Variants in NHSL1 observed in about 807,000 individuals in gnomAD.
NHSL1 encodes NHS like 1.
A neutral mutation model predicts 95.0 loss-of-function variants in NHSL1; 48 were observed. That is an observed-to-expected ratio of 0.51 (90% CI 0.40 to 0.64). The LOEUF is 0.64. Ranked by LOEUF, NHSL1 falls within the 30% of genes least tolerant of loss-of-function variation. NHSL1 has a pLI of 0.00. For synonymous variants in NHSL1, 783 were observed against 833.9 expected, an observed-to-expected ratio of 0.94 and a Z score of 1.05; for missense variants, 1,971 against 2,077.7, an observed-to-expected ratio of 0.95 and a Z score of 1.00.
At position 138,630,384 on chromosome 6, in the gene NHSL1, G is replaced by A. The variant is rs140660800; in HGVS notation, c.96+62092C>T. Among the ~76,000 whole-genome samples the A allele has an allele frequency of 2.8e-3, 427 of 151,946 alleles. 5 individuals are homozygous for A. Among genetic ancestry groups the A allele is most frequent in the Admixed American group, 8.2e-3 (125 of 15,244 alleles). ...ACTCTTCTGAAGTTTGAAGTTTCTCGTGTTTTTTTGTTTGTTTGTTTTACT... is the reference window on the plus strand; with the variant it reads ...ACTCTTCTGAAGTTTGAAGTTTCTCATGTTTTTTTGTTTGTTTGTTTTACT... On this transcript the variant is annotated intron_variant, in intron 1 of 3. Coordinates refer to the NHSL1 transcript ENST00000491526.
At chr6:138,490,174 A>G (rs1779991687) in intron 2 of NHSL1, among the ~76,000 whole-genome samples, 1 of 152,000 alleles carries the variant, frequency 6.6e-6, no homozygotes, top group South Asian at 2.1e-4. Flanking sequence ...TTACAGAAAA[A>G]AAGATGAAGA....
chr6:138,518,365 T>C (rs1466111084), intron 1 of NHSL1, among the ~76,000 whole-genome samples: 1 of 151,334 alleles, frequency 6.6e-6, no homozygotes, highest in Non-Finnish European at 1.5e-5. Flanking sequence ...GGACTCTCTT[T>C]CTGGAGAGCT....
At position 138,692,189 on chromosome 6, in the gene NHSL1, C is replaced by G. The variant is rs1005016155; in HGVS notation, c.96+287G>C. ...CCCCGGGGTCTCCCAAACAGACAGA[C>G]ACAGACAGACAGAAGGAGCAGACAA... On this transcript the variant is annotated intron_variant, in intron 1 of 3. Transcript: ENST00000491526. The surrounding 1 kb of genome is among the most constrained non-coding windows in gnomAD (Gnocchi z 4.0). 2 of 456,606 alleles carry G rather than the reference C, an allele frequency of 4.4e-6. No homozygotes were observed. The highest frequency in any genetic ancestry group is 2.0e-5 in the African/African-American group (1 of 50,090). 28.3% of individuals were successfully genotyped at this position (456,606 alleles called of 1,614,324 possible). A position where few individuals can be genotyped will look rare whatever the true frequency, so the allele number is the denominator to read the frequency against.
intron 3 of NHSL1, among the ~76,000 whole-genome samples, chr6:138,465,617 T>A (rs944252116): frequency 6.6e-6 from 1 of 152,254 alleles, no homozygotes; most frequent in Non-Finnish European, 1.5e-5. Flanking sequence ...TTCTACTTAG[T>A]TCTCCCTACC....
chr6:138,433,972 AGAG>A, intron 5 of NHSL1, among the ~76,000 whole-genome samples: 1 of 152,306 alleles, frequency 6.6e-6, no homozygotes, highest in Non-Finnish European at 1.5e-5. Context: ...CCAAGGGCTC[AGAG>A]GAGGATTTAC....
At chr6:138,582,617 C>T (rs534604806) in intron 1 of NHSL1, among the ~76,000 whole-genome samples, 6 of 152,124 alleles carry the variant, frequency 3.9e-5, no homozygotes, top group Non-Finnish European at 8.8e-5. Context: ...AAGTCAGGAG[C>T]CTTCCCTTTA....
At chr6:138,644,322 G>A (rs889527208) in intron 1 of NHSL1, among the ~76,000 whole-genome samples, 5 of 152,130 alleles carry the variant, frequency 3.3e-5, no homozygotes, top group Non-Finnish European at 7.4e-5. Flanking sequence ...CCAACATGGT[G>A]AAACCTGGTG....
intron 1 of NHSL1, among the ~76,000 whole-genome samples, chr6:138,553,027 T>C (rs1381819256): frequency 2.6e-5 from 4 of 152,106 alleles, no homozygotes; most frequent in African/African-American, 9.7e-5. Flanking sequence ...CTATTACATC[T>C]TTCCAAAAGA....
chr6:138,533,125 C>T (rs1235615258), intron 1 of NHSL1, among the ~76,000 whole-genome samples: 2 of 151,948 alleles, frequency 1.3e-5, no homozygotes, highest in East Asian at 1.9e-4. Context: ...ATTGTGAACA[C>T]ATTTAGAGAA....
At chr6:138,620,540 T>C (rs1464350406) in intron 1 of NHSL1, among the ~76,000 whole-genome samples, 3 of 152,194 alleles carry the variant, frequency 2.0e-5, no homozygotes, top group South Asian at 2.1e-4. Context: ...TAGGTCAATA[T>C]GGTTGGTGGT....
At position 138,606,673 on chromosome 6, in the gene NHSL1, T is replaced by A. The variant is rs534410850; in HGVS notation, c.96+85803A>T. On this transcript the variant is annotated intron_variant, in intron 1 of 3. Coordinates refer to the NHSL1 transcript ENST00000491526. ...TGGCAGTGTCCCTACCCCACCTTCA[T>A]CTGGCTACTTCTTTTTCTTTCTTTC... Among the ~76,000 whole-genome samples, 21 of 151,432 alleles carry A rather than the reference T, an allele frequency of 1.4e-4. No individual in the cohort carries two copies. The South Asian group carries it at 4.2e-3, about 30-fold the overall frequency.
intron 1 of NHSL1, among the ~76,000 whole-genome samples, chr6:138,636,457 G>C (rs1784890156): frequency 6.6e-6 from 1 of 152,158 alleles, no homozygotes; most frequent in Non-Finnish European, 1.5e-5. Context: ...ATCCAAACTG[G>C]AAAGGAAGAA....
intron 1 of NHSL1, among the ~76,000 whole-genome samples, chr6:138,554,235 G>A (rs1037556388): frequency 6.6e-6 from 1 of 152,284 alleles, no homozygotes. Context: ...ACAACAGTAG[G>A]TCCTTTCACG....
intron 5 of NHSL1, among the ~76,000 whole-genome samples, chr6:138,439,510 C>G (rs951589848): frequency 1.3e-5 from 2 of 152,170 alleles, no homozygotes; most frequent in Non-Finnish European, 2.9e-5. Context: ...GCAAGATCAA[C>G]CAGAAGTCCT....
In NHSL1 at chr6:138,433,284, A is replaced by T; in HGVS notation, c.1061T>A (p.Phe354Tyr). The T allele has an allele frequency of 6.4e-7, 1 of 1,551,580 alleles. No individual in the cohort carries two copies. Among genetic ancestry groups the T allele is most frequent in the South Asian group, 1.2e-5 (1 of 84,032 alleles). The change falls in exon 6 of 8, where the codon TTC becomes TAC. Residue 354 changes from phenylalanine (F) to tyrosine (Y), a missense_variant. This residue lies in a region of NHSL1 where 1,602 missense variants were observed against 1,654.5 expected (regional missense o/e 0.97). Coordinates refer to ENST00000343505, the MANE Select transcript of NHSL1 (RefSeq NM_001144060.2). Reference sequence around the variant, plus strand: ...TTGTGGGTGACCTCTCTGGTAGAGGAAAGTGCCATTCATGTCTCCTGCAGG... The same window carrying T: ...TTGTGGGTGACCTCTCTGGTAGAGGTAAGTGCCATTCATGTCTCCTGCAGG... ...LGPAGDMNGTFLYQRGHPQAD... is the reference protein window; with the variant it reads ...LGPAGDMNGTYLYQRGHPQAD...
chr6:138,435,155 A>G (rs753179884), intron 5 of NHSL1: 3 of 154,776 alleles, frequency 1.9e-5, no homozygotes, highest in Non-Finnish European at 2.9e-5. Context: ...GGAAGTGCAA[A>G]ATTTTGCCAT....
At chr6:138,602,069 T>C (rs1784377902) in intron 1 of NHSL1, among the ~76,000 whole-genome samples, 1 of 152,202 alleles carries the variant, frequency 6.6e-6, no homozygotes, top group South Asian at 2.1e-4. Context: ...GATGTGAAGA[T>C]GAAATATCAG....
chr6:138,622,585 G>A (rs1784680686), intron 1 of NHSL1, among the ~76,000 whole-genome samples: 1 of 152,176 alleles, frequency 6.6e-6, no homozygotes, highest in Non-Finnish European at 1.5e-5. Flanking sequence ...GTGGGGGCAA[G>A]TATGGACCAA....
chr6:138,436,953 GAA>G (rs909212009), intron 5 of NHSL1, among the ~76,000 whole-genome samples: 63 of 151,160 alleles, frequency 4.2e-4, no homozygotes, highest in Non-Finnish European at 7.1e-4. Flanking sequence ...CTACTGCTCA[GAA>G]AAAAAAAGAT....
Sources: gnomAD v4.1 joint callset for allele counts (sites outside exome capture counted in the v4.1 genomes callset) on GRCh38, gnomAD v4.1.1 for gene constraint, gnomAD v4.1.1 regional missense constraint, Gnocchi (gnomAD v3.1) non-coding constraint, MANE v1.5 for transcripts, NCBI Gene and HGNC (gene_info 2026-07-23, HGNC 2026-07-21) for gene names.